The following THAP2 variants were observed in gnomAD, a reference collection of about 807,000 sequenced individuals.
The protein encoded by THAP2 is THAP domain containing 2, also known as THAP domain-containing protein 2.
Under a neutral mutation model 18.8 loss-of-function variants are expected in THAP2, and 16 were observed. That is an observed-to-expected ratio of 0.85 (90% CI 0.58 to 1.29). The LOEUF is 1.29. Among genes scored for constraint, THAP2 ranks in the 50% most tolerant of loss-of-function variants. The pLI is 0.00. For missense variants in THAP2, 251 were observed against 265.3 expected (o/e 0.95, Z 0.38); for synonymous variants, 80 against 89.2 (o/e 0.90, Z 0.58).
chr12:71,664,438 T>G lies in THAP2; in HGVS notation c.-72T>G. The G allele has an allele frequency of 6.3e-7, 1 of 1,590,578 alleles. No homozygotes were observed. Among genetic ancestry groups the G allele is most frequent in the Non-Finnish European group, 8.6e-7 (1 of 1,159,356 alleles). Reference sequence around the variant, plus strand: ...GCACGCCTGCCTCGATTGTCCAGCCTCTGCCAGAAGAAAGCTTAGCAGCCA... The same window carrying G: ...GCACGCCTGCCTCGATTGTCCAGCCGCTGCCAGAAGAAAGCTTAGCAGCCA... On this transcript the variant is annotated 5_prime_UTR_variant, in exon 1 of 3. Transcript: ENST00000308086.
At position 71,677,221 on chromosome 12, in the gene THAP2, T is replaced by C; in HGVS notation, c.*113T>C. The stretch of plus-strand genomic sequence containing the variant: ...AATAAAGTTTTACTTGAAGTAACAT[T>C]ACTGAATTTGTGAAGACTTGATTAC... On this transcript the variant is annotated 3_prime_UTR_variant, in exon 3 of 3. Coordinates refer to ENST00000308086, the MANE Select transcript of THAP2 (RefSeq NM_031435.4). 1 of 1,027,028 alleles carries C rather than the reference T, an allele frequency of 9.7e-7. No homozygotes were observed. Among genetic ancestry groups the C allele is most frequent in the Non-Finnish European group, 1.3e-6 (1 of 770,294 alleles). The allele number at this position is 1,027,028 out of a possible 1,614,324, so 63.6% of individuals were successfully genotyped here.
intron 1 of THAP2, among the ~76,000 whole-genome samples, chr12:71,670,704 C>T (rs1354733105): frequency 6.6e-5 from 10 of 151,914 alleles, no homozygotes; most frequent in African/African-American, 1.2e-4. Flanking sequence ...TTTGGGAGGC[C>T]GAAGCAGGTG....
chr12:71,676,688 G>A lies in THAP2; in HGVS notation c.268-1G>A. 6.4e-7 allele frequency: 1 copy of A among 1,572,864 alleles called. No individual in the cohort carries two copies. Among genetic ancestry groups the A allele is most frequent in the Non-Finnish European group, 8.6e-7 (1 of 1,163,666 alleles). ...CAACCCTCTAATTTTATTCGGCTCA[G>A]AAACTCAAGTCAAGGAATCTTTTGA... On this transcript the variant is annotated splice_acceptor_variant, in intron 2 of 2. Coordinates refer to ENST00000308086, the MANE Select transcript of THAP2 (RefSeq NM_031435.4). LOFTEE classifies it high-confidence loss of function.
At chr12:71,673,084 T>C (rs1474969123) in intron 1 of THAP2, among the ~76,000 whole-genome samples, 1 of 152,164 alleles carries the variant, frequency 6.6e-6, no homozygotes, top group African/African-American at 2.4e-5. Context: ...ACTGCATCTT[T>C]GCATTTGTTT....
At chr12:71,670,328 C>T (rs945595944) in intron 1 of THAP2, among the ~76,000 whole-genome samples, 1 of 152,148 alleles carries the variant, frequency 6.6e-6, no homozygotes, top group African/African-American at 2.4e-5. Context: ...CACAAACTTA[C>T]TACATGTCAA....
intron 1 of THAP2, chr12:71,667,846 G>C (rs1275538010): frequency 6.6e-6 from 1 of 152,192 alleles, no homozygotes; most frequent in Non-Finnish European, 1.5e-5. Flanking sequence ...GGAAAGAGAT[G>C]TGCAGTTTCA....
intron 1 of THAP2, among the ~76,000 whole-genome samples, chr12:71,669,964 A>AG (rs952608211): frequency 5.9e-5 from 9 of 151,900 alleles, no homozygotes; most frequent in African/African-American, 2.2e-4. Flanking sequence ...TCTCAAAAAA[A>AG]AAAAAAAAAC....
Position 71,678,365 on chromosome 12 carries a change from T to C in THAP2, c.*1257T>C, listed in dbSNP as rs535501549. The C allele has an allele frequency of 6.5e-6, 1 of 152,706 alleles. No individual in the cohort carries two copies. The highest frequency in any genetic ancestry group is 2.4e-5 in the African/African-American group (1 of 41,546). 9.5% of individuals were successfully genotyped at this position (152,706 alleles called of 1,614,324 possible). A position where few individuals can be genotyped will look rare whatever the true frequency, so the allele number is the denominator to read the frequency against. On this transcript the variant is annotated 3_prime_UTR_variant, in exon 3 of 3. Coordinates refer to ENST00000308086, the MANE Select transcript of THAP2 (RefSeq NM_031435.4). ...AAATTAAATGTTCCCTATAGAAATA[T>C]GTGTATGTCTGTGATAGTGGTATGC...
chr12:71,668,513 T>G (rs1014204726), intron 1 of THAP2, among the ~76,000 whole-genome samples: 1 of 152,170 alleles, frequency 6.6e-6, no homozygotes, highest in Non-Finnish European at 1.5e-5. Context: ...GTCACCCAGA[T>G]ATTATGCAAA....
chr12:71,670,475 C>CAGA (rs1881417695), intron 1 of THAP2, among the ~76,000 whole-genome samples: 1 of 152,130 alleles, frequency 6.6e-6, no homozygotes, highest in South Asian at 2.1e-4. Flanking sequence ...TTTAGGGGTG[C>CAGA]AGAAGCTCCC....
chr12:71,674,134 C>G, intron 1 of THAP2, 69 bp from the exon 2 acceptor site: 1 of 1,420,338 alleles, frequency 7.0e-7, no homozygotes, highest in Middle Eastern at 2.5e-4. Flanking sequence ...TTCGAAATTT[C>G]TTTTAATCAT....
chr12:71,666,338 C>T (rs1289952852), intron 1 of THAP2, among the ~76,000 whole-genome samples: 2 of 151,904 alleles, frequency 1.3e-5, no homozygotes, highest in African/African-American at 2.4e-5. Context: ...GGTGAAACCT[C>T]GTCTCTACAA....
chr12:71,675,737 T>A lies in THAP2; in HGVS notation c.268-952T>A, dbSNP rs531139027. ...TGGAGTATAAATCAAGATGGTAAATTGCAGAATGGGGTGAGATCCTAAATT... is the reference window on the plus strand; with the variant it reads ...TGGAGTATAAATCAAGATGGTAAATAGCAGAATGGGGTGAGATCCTAAATT... On this transcript the variant is annotated intron_variant, in intron 2 of 2. Coordinates refer to ENST00000308086, the MANE Select transcript of THAP2 (RefSeq NM_031435.4). Among the ~76,000 whole-genome samples, 4 of 152,248 alleles carry A rather than the reference T, an allele frequency of 2.6e-5. No individual in the cohort carries two copies. The South Asian group carries it at 8.3e-4, about 32-fold the overall frequency.
intron 1 of THAP2, among the ~76,000 whole-genome samples, chr12:71,670,951 AAAAATT>A (rs1881427052): frequency 6.6e-6 from 1 of 151,556 alleles, no homozygotes; most frequent in Non-Finnish European, 1.5e-5. Flanking sequence ...AAAAAAAAAA[AAAAATT>A]AAGAGAAAAT....
At chr12:71,671,828 C>T (rs1881443990) in intron 1 of THAP2, among the ~76,000 whole-genome samples, 2 of 152,114 alleles carry the variant, frequency 1.3e-5, no homozygotes, top group Admixed American at 6.5e-5. Context: ...AAATAGACCA[C>T]TTTGACACAT....
In THAP2 at chr12:71,676,868, A is replaced by T; in HGVS notation, c.447A>T (p.Arg149Ser). 3 of 1,613,670 alleles carry T rather than the reference A, an allele frequency of 1.9e-6. No individual in the cohort carries two copies. Among genetic ancestry groups the T allele is most frequent in the Non-Finnish European group, 2.5e-6 (3 of 1,179,686 alleles). ...IKLEKEIASLRRKMKTCLQKE... is the reference protein window; with the variant it reads ...IKLEKEIASLSRKMKTCLQKE... ...TGGAAAAAGAAATAGCAAGCTTAAG[A>T]AGAAAAATGAAAACTTGCCTACAAA... The change falls in exon 3 of 3, where the codon AGA becomes AGT. Residue 149 changes from arginine (R) to serine (S), a missense_variant. By Grantham distance (110) the Arg-to-Ser change is moderately radical. Transcript: ENST00000308086.
intron 1 of THAP2, among the ~76,000 whole-genome samples, chr12:71,670,800 G>T (rs565636364): frequency 2.6e-5 from 4 of 151,726 alleles, no homozygotes; most frequent in East Asian, 1.9e-4. Context: ...TTAAGCGTGC[G>T]TGGTGGCAGG....
chr12:71,667,185 A>AT (rs755742821), intron 1 of THAP2, among the ~76,000 whole-genome samples: 2 of 152,066 alleles, frequency 1.3e-5, no homozygotes, highest in Non-Finnish European at 2.9e-5. Flanking sequence ...CTCTACATTC[A>AT]TTTTTCATGG....
At chr12:71,669,980 T>A in intron 1 of THAP2, among the ~76,000 whole-genome samples, 1 of 151,936 alleles carries the variant, frequency 6.6e-6, no homozygotes, top group African/African-American at 2.4e-5. Context: ...AAAACTCTAT[T>A]TTCTTGTAAA....
Sources: gnomAD v4.1 joint callset for allele counts (sites outside exome capture counted in the v4.1 genomes callset) on GRCh38, gnomAD v4.1.1 for gene constraint, MANE v1.5 for transcripts, NCBI Gene and HGNC (gene_info 2026-07-23, HGNC 2026-07-21) for gene names.